DMXL2: variants seen among roughly 807,000 people sequenced by gnomAD.
The protein encoded by DMXL2 is Dmx like 2.
In DMXL2, 103 loss-of-function variants were observed where a neutral mutation model predicts 331.1. The ratio of observed to expected loss-of-function variants is 0.31; its 90% CI spans 0.27 to 0.37. The LOEUF is 0.37. DMXL2 is among the 10% of genes least tolerant of loss of function. The pLI is 1.00. For missense variants in DMXL2, 3,171 were observed against 3,642.9 expected, an observed-to-expected ratio of 0.87 and a Z score of 3.33; for synonymous variants, 1,281 against 1,252.1, an observed-to-expected ratio of 1.02 and a Z score of -0.49.
rs745803535 is a variant in DMXL2 at position 51,481,358 on chromosome 15, G to A, written c.5748C>T (p.Ala1916=). The A allele has an allele frequency of 2.5e-6, 4 of 1,613,956 alleles. No homozygotes were observed. The South Asian group carries it at 4.4e-5, about 18-fold the overall frequency. ...SKIPKVTKTS[A]LSAKKDQPDF... is the part of the protein sequence containing the mutation. ...CAGGCTGATCTTTTTTTGCAGATAAGGCAGATGTTTTGGTTACTTTTGGAA... is the reference window on the plus strand; with the variant it reads ...CAGGCTGATCTTTTTTTGCAGATAAAGCAGATGTTTTGGTTACTTTTGGAA... The change falls in exon 24 of 44, where the codon GCC becomes GCT. Residue 1916 remains alanine (A), a synonymous_variant. Transcript: ENST00000560891.
At chr15:51,527,247 T>C (rs2047725917) in intron 13 of DMXL2, among the ~76,000 whole-genome samples, 1 of 151,594 alleles carries the variant, frequency 6.6e-6, no homozygotes, top group Non-Finnish European at 1.5e-5. Flanking sequence ...ATATTTGAAG[T>C]GCTGAAAAGA....
chr15:51,568,619 T>A, intron 2 of DMXL2, 61 bp from the exon 3 acceptor site: 1 of 1,084,454 alleles, frequency 9.2e-7, no homozygotes, highest in South Asian at 1.5e-5. Flanking sequence ...ATATCTTCCT[T>A]TTCATAATAA....
chr15:51,472,212 T>C (rs988760938), intron 28 of DMXL2, among the ~76,000 whole-genome samples: 1 of 151,888 alleles, frequency 6.6e-6, no homozygotes, highest in African/African-American at 2.4e-5. Flanking sequence ...TCACAGAAAA[T>C]AATTTTATCT....
chr15:51,491,261 T>C (rs2042774419), intron 20 of DMXL2, among the ~76,000 whole-genome samples: 1 of 152,106 alleles, frequency 6.6e-6, no homozygotes, highest in African/African-American at 2.4e-5. Flanking sequence ...GCCAACATGG[T>C]GAAACCCTGT....
chr15:51,597,319 G>A (rs867343753), intron 1 of DMXL2, among the ~76,000 whole-genome samples: 1 of 152,150 alleles, frequency 6.6e-6, no homozygotes, highest in African/African-American at 2.4e-5. Flanking sequence ...TACCCTTTTT[G>A]GGAAATCACC....
At chr15:51,520,428 T>A (rs2047289280) in intron 13 of DMXL2, among the ~76,000 whole-genome samples, 1 of 152,242 alleles carries the variant, frequency 6.6e-6, no homozygotes, top group Admixed American at 6.5e-5. Flanking sequence ...TTGTTTTATT[T>A]TAAACATAAA....
intron 15 of DMXL2, among the ~76,000 whole-genome samples, chr15:51,512,703 C>T (rs2140621809): frequency 6.6e-6 from 1 of 151,780 alleles, no homozygotes; most frequent in African/African-American, 2.4e-5. Flanking sequence ...GTAATCCCAG[C>T]TACTCGGGAG....
intron 6 of DMXL2, among the ~76,000 whole-genome samples, chr15:51,549,292 C>A (rs563587398): frequency 6.6e-6 from 1 of 151,164 alleles, no homozygotes; most frequent in Non-Finnish European, 1.5e-5. Flanking sequence ...TCATTTCATT[C>A]CTTTTTATGG....
chr15:51,604,399 TACA>T (rs2053440817), intron 1 of DMXL2, among the ~76,000 whole-genome samples: 1 of 139,638 alleles, frequency 7.2e-6, no homozygotes, highest in Non-Finnish European at 1.6e-5. Context: ...CCAAGAGATT[TACA>T]AAAAAAAAAA....
In DMXL2 at chr15:51,575,932, G is replaced by C. The variant is rs965868738; in HGVS notation, c.213+124C>G. 2.1e-5 allele frequency: 20 copies of C among 970,376 alleles called. No individual in the cohort carries two copies. The African/African-American group carries it at 2.5e-4, about 12-fold the overall frequency. The allele number at this position is 970,376 out of a possible 1,614,324, so 60.1% of individuals were successfully genotyped here. A position where few individuals can be genotyped will look rare whatever the true frequency, so the allele number is the denominator to read the frequency against. ...ATAAACCTATCACTTTGCAACTTCTGCTAATAATCACCCAAGCAATACATA... is the reference window on the plus strand; with the variant it reads ...ATAAACCTATCACTTTGCAACTTCTCCTAATAATCACCCAAGCAATACATA... On this transcript the variant is annotated intron_variant, in intron 2 of 43. Coordinates refer to ENST00000560891, the MANE Select transcript of DMXL2 (RefSeq NM_001378457.1).
At chr15:51,619,749 A>G (rs2054512020) in intron 1 of DMXL2, among the ~76,000 whole-genome samples, 1 of 152,240 alleles carries the variant, frequency 6.6e-6, no homozygotes, top group East Asian at 1.9e-4. Flanking sequence ...AACATCAGCT[A>G]AGAATCATGA....
At chr15:51,551,771 C>A (rs1435338666) in intron 6 of DMXL2, among the ~76,000 whole-genome samples, 1 of 152,094 alleles carries the variant, frequency 6.6e-6, no homozygotes, top group Non-Finnish European at 1.5e-5. Flanking sequence ...GAGGAAGAGA[C>A]AGAAATAATA....
intron 15 of DMXL2, among the ~76,000 whole-genome samples, chr15:51,509,632 G>C (rs549318343): frequency 1.5e-4 from 23 of 152,296 alleles, no homozygotes; most frequent in African/African-American, 5.5e-4. Context: ...GAGGTACAAA[G>C]AGGAGCTGGT....
At chr15:51,503,535 G>A (rs2043833308) in intron 16 of DMXL2, among the ~76,000 whole-genome samples, 1 of 152,132 alleles carries the variant, frequency 6.6e-6, no homozygotes, top group South Asian at 2.1e-4. Flanking sequence ...GGATCTCATA[G>A]AGGTAGATAA....
At chr15:51,523,148 T>A (rs2047471662) in intron 13 of DMXL2, among the ~76,000 whole-genome samples, 1 of 152,224 alleles carries the variant, frequency 6.6e-6, no homozygotes, top group Middle Eastern at 3.2e-3. Context: ...AAATTCTTGC[T>A]ACATTTTGCC....
chr15:51,502,342 G>GTGTGT (rs767248212), intron 17 of DMXL2, among the ~76,000 whole-genome samples: 2 of 150,532 alleles, frequency 1.3e-5, no homozygotes, highest in East Asian at 2.0e-4. Flanking sequence ...GTGTGTGTAT[G>GTGTGT]GAGTCTCACT....
chr15:51,538,985 G>A (rs1715213572), intron 9 of DMXL2, among the ~76,000 whole-genome samples: 1 of 151,978 alleles, frequency 6.6e-6, no homozygotes, highest in African/African-American at 2.4e-5. Context: ...AGAGGCGGGT[G>A]GATTGCCTGA....
At chr15:51,509,891 G>C (rs1182435054) in intron 15 of DMXL2, among the ~76,000 whole-genome samples, 1 of 152,124 alleles carries the variant, frequency 6.6e-6, no homozygotes, top group Non-Finnish European at 1.5e-5. Flanking sequence ...GGGATGAGAG[G>C]CTGGTTCAAC....
intron 1 of DMXL2, among the ~76,000 whole-genome samples, chr15:51,597,256 G>T (rs989872626): frequency 1.3e-5 from 2 of 152,094 alleles, no homozygotes; most frequent in African/African-American, 4.8e-5. Flanking sequence ...CAACTCAAAA[G>T]ATTATCTGTC....
Sources: allele counts gnomAD v4.1 joint callset (sites outside exome capture counted in the v4.1 genomes callset), GRCh38; gene constraint gnomAD v4.1.1; transcripts MANE v1.5; gene names NCBI Gene and HGNC (gene_info 2026-07-23, HGNC 2026-07-21).